TUSC3: variants seen among roughly 807,000 people sequenced by gnomAD.
TUSC3 encodes tumor suppressor candidate 3.
In TUSC3, 45 loss-of-function variants were observed where a neutral mutation model predicts 44.8. That is an observed-to-expected ratio of 1.00 (90% CI 0.79 to 1.29). The LOEUF (loss-of-function observed/expected upper bound fraction) is 1.29, where lower values mean the gene tolerates loss of function less well. TUSC3 is among the 50% of genes most tolerant of loss of function. The pLI is 0.00. For synonymous variants in TUSC3, 212 were observed against 152.9 expected, an observed-to-expected ratio of 1.39 and a Z score of -2.85; for missense variants, 519 against 437.9, an observed-to-expected ratio of 1.19 and a Z score of -1.65.
chr8:15,780,129 G>C, the TUSC3 span, among the ~76,000 whole-genome samples: 1 of 152,286 alleles, frequency 6.6e-6, no homozygotes, highest in African/African-American at 2.4e-5. Flanking sequence ...CACTCACACA[G>C]ATGCACCAAA....
At chr8:15,764,127 T>C in intron 10 of TUSC3, 76 bp from the exon 11 acceptor site, 1 of 1,349,336 alleles carries the variant, frequency 7.4e-7, no homozygotes, top group Non-Finnish European at 1.0e-6. Flanking sequence ...TGTGCTAATT[T>C]AGAATGGAAT....
At chr8:15,736,078 T>C (rs553683148) in intron 7 of TUSC3, among the ~76,000 whole-genome samples, 1 of 152,188 alleles carries the variant, frequency 6.6e-6, no homozygotes, top group Admixed American at 6.5e-5. Context: ...CAATATCCTC[T>C]AGCAGTATAA....
intron 10 of TUSC3, among the ~76,000 whole-genome samples, chr8:15,762,374 C>G (rs987245311): frequency 6.6e-6 from 1 of 151,636 alleles, no homozygotes; most frequent in Non-Finnish European, 1.5e-5. Flanking sequence ...GATTGTTACA[C>G]CAGGTTAAGA....
chr8:15,623,026 C>A (rs191410549), intron 1 of TUSC3, 54 bp from the exon 2 acceptor site: 1 of 1,563,986 alleles, frequency 6.4e-7, no homozygotes, highest in Non-Finnish European at 8.7e-7. Context: ...ATATGAAATT[C>A]AAACAAAAGG....
intron 1 of TUSC3, among the ~76,000 whole-genome samples, chr8:15,559,581 C>T (rs971788618): frequency 4.3e-5 from 6 of 141,118 alleles, no homozygotes; most frequent in East Asian, 4.4e-4. Flanking sequence ...TCTCGTTGAT[C>T]TGTCTAATGT....
chr8:15,790,476 C>A, the TUSC3 span, among the ~76,000 whole-genome samples: 1 of 152,074 alleles, frequency 6.6e-6, no homozygotes, highest in Non-Finnish European at 1.5e-5. Context: ...AGCCACCATG[C>A]CCGGCCTCAC....
the TUSC3 span, among the ~76,000 whole-genome samples, chr8:15,789,616 T>C: frequency 6.6e-6 from 1 of 151,904 alleles, no homozygotes; most frequent in Non-Finnish European, 1.5e-5. Flanking sequence ...ACTGTGTCAA[T>C]TATATATTTG....
intron 1 of TUSC3, among the ~76,000 whole-genome samples, chr8:15,597,750 CTTGAAAGCA>C (rs1237964519): frequency 6.6e-6 from 1 of 152,038 alleles, no homozygotes; most frequent in Non-Finnish European, 1.5e-5. Flanking sequence ...AAGACATATA[CTTGAAAGCA>C]TATGGCTAAG....
intron 1 of TUSC3, among the ~76,000 whole-genome samples, chr8:15,577,133 T>C (rs1348158096): frequency 6.7e-6 from 1 of 149,234 alleles, no homozygotes; most frequent in Non-Finnish European, 1.5e-5. Flanking sequence ...TCTGTTCATG[T>C]CCTTTGCCCA....
intron 1 of TUSC3, among the ~76,000 whole-genome samples, chr8:15,447,950 T>C (rs1476332036): frequency 6.6e-6 from 1 of 151,228 alleles, no homozygotes; most frequent in Non-Finnish European, 1.5e-5. Context: ...GGTATGTACA[T>C]TACAGTTAAT....
intron 1 of TUSC3, among the ~76,000 whole-genome samples, chr8:15,576,374 T>C (rs1352632971): frequency 1.3e-5 from 2 of 149,646 alleles, no homozygotes; most frequent in Non-Finnish European, 3.0e-5. Flanking sequence ...GTTAGTTACA[T>C]ATGTATACAT....
intron 6 of TUSC3, among the ~76,000 whole-genome samples, chr8:15,694,863 ATAG>A: frequency 6.6e-6 from 1 of 152,186 alleles, no homozygotes; most frequent in Non-Finnish European, 1.5e-5. Context: ...AAAATGCTTC[ATAG>A]GAAGGTGGCA....
the TUSC3 span, among the ~76,000 whole-genome samples, chr8:15,779,827 C>G: frequency 2.0e-5 from 3 of 152,172 alleles, no homozygotes; most frequent in Non-Finnish European, 2.9e-5. Context: ...TCTCACCAAA[C>G]TAGGCAGAAG....
At chr8:15,595,050 G>C (rs1317299250) in intron 1 of TUSC3, among the ~76,000 whole-genome samples, 1 of 152,136 alleles carries the variant, frequency 6.6e-6, no homozygotes, top group Non-Finnish European at 1.5e-5. Context: ...AAGGGGGACT[G>C]GAACAGAACT....
chr8:15,523,696 G>A (rs547267551), intron 2 of TUSC3, among the ~76,000 whole-genome samples: 7,541 of 46,744 alleles, frequency 0.16, 761 homozygotes, highest in African/African-American at 0.26. Flanking sequence ...GTGTGTGTGT[G>A]TGTGTGTGTG....
chr8:15,629,066 G>A (rs1805641988), intron 2 of TUSC3, among the ~76,000 whole-genome samples: 1 of 152,070 alleles, frequency 6.6e-6, no homozygotes. Context: ...TGTCATAAAG[G>A]GTTTATTTAA....
chr8:15,621,565 A>T (rs6988217), intron 1 of TUSC3, among the ~76,000 whole-genome samples: 49,898 of 147,216 alleles, frequency 0.34, 8,725 homozygotes, highest in East Asian at 0.38. Flanking sequence ...ATATATATAT[A>T]TTTAACTCAG....
chr8:15,714,460 AT>A (rs1809986168), intron 6 of TUSC3, among the ~76,000 whole-genome samples: 1 of 152,140 alleles, frequency 6.6e-6, no homozygotes, highest in South Asian at 2.1e-4. Context: ...AAGGCACTAC[AT>A]TTTATATAGT....
chr8:15,618,160 G>A (rs965995991), intron 1 of TUSC3, among the ~76,000 whole-genome samples: 2 of 152,178 alleles, frequency 1.3e-5, no homozygotes, highest in Admixed American at 6.5e-5. Flanking sequence ...GTCAGTAGCG[G>A]TGAGTGAGTG....
Sources: gnomAD v4.1 joint callset for allele counts (sites outside exome capture counted in the v4.1 genomes callset) on GRCh38, gnomAD v4.1.1 for gene constraint, MANE v1.5 for transcripts, NCBI Gene and HGNC (gene_info 2026-07-23, HGNC 2026-07-21) for gene names.